Variants in MYO18A observed in about 807,000 individuals in gnomAD.
The protein encoded by MYO18A is myosin XVIIIA.
MYO18A carries 78 observed loss-of-function variants against 235.8 expected under a neutral mutation model. That is an observed-to-expected ratio of 0.33 (90% CI 0.28 to 0.40). The LOEUF (loss-of-function observed/expected upper bound fraction) is 0.40. MYO18A is among the 10% of genes least tolerant of loss of function. The pLI is 1.00. For synonymous variants in MYO18A, 977 were observed against 1,077.8 expected (o/e 0.91, Z 1.83); for missense variants, 2,215 against 2,699.3 (o/e 0.82, Z 3.98).
At chr17:29,160,820 C>T (rs916377632) in intron 2 of MYO18A, among the ~76,000 whole-genome samples, 1 of 152,360 alleles carries the variant, frequency 6.6e-6, no homozygotes, top group African/African-American at 2.4e-5. Context: ...AGCAGCCTCA[C>T]GGTCCACCAG....
chr17:29,090,595 C>T lies in MYO18A; in HGVS notation c.5325G>A (p.Gln1775=), dbSNP rs1252046245. The T allele has an allele frequency of 1.9e-6, 3 of 1,600,578 alleles. No individual in the cohort carries two copies. Among genetic ancestry groups the T allele is most frequent in the Non-Finnish European group, 2.6e-6 (3 of 1,173,098 alleles). ...CTAGCTGAGCTTGGAGATCATTTATCTGAGCCAGGTCCCGGGAAGCCTGGG... is the reference window on the plus strand; with the variant it reads ...CTAGCTGAGCTTGGAGATCATTTATTTGAGCCAGGTCCCGGGAAGCCTGGG... The part of the protein sequence containing the change: ...AVAQASRDLA[Q]INDLQAQLEE... The change falls in exon 36 of 42, where the codon CAG becomes CAA. Residue 1775 remains glutamine (Q), a synonymous_variant. Transcript: ENST00000527372.
intron 19 of MYO18A, chr17:29,107,738 A>C (rs906783010): frequency 1.3e-5 from 2 of 152,538 alleles, no homozygotes; most frequent in African/African-American, 4.8e-5. Flanking sequence ...CAGCATGGTA[A>C]AACTGTCTCT....
At position 29,072,295 on chromosome 17, in the gene MYO18A, C is replaced by G. The variant is rs1489332364; in HGVS notation, c.*2475G>C. 1 of 145,224 alleles carries G rather than the reference C, an allele frequency of 6.9e-6. No homozygotes were observed. Among genetic ancestry groups the G allele is most frequent in the Non-Finnish European group, 1.5e-5 (1 of 67,430 alleles). 9.0% of individuals were successfully genotyped at this position (145,224 alleles called of 1,614,324 possible). On this transcript the variant is annotated 3_prime_UTR_variant, in exon 42 of 42. Coordinates refer to ENST00000527372, the MANE Select transcript of MYO18A (RefSeq NM_078471.4). ...AATCCTAGCACTTTGGGAGGCGAGG[C>G]AGGCAGATCACTTGAGGTCAGAAGT...
chr17:29,079,363 C>A (rs958417446), intron 41 of MYO18A, among the ~76,000 whole-genome samples: 5 of 152,230 alleles, frequency 3.3e-5, no homozygotes, highest in Admixed American at 2.6e-4. Context: ...AGTGACTTAA[C>A]CTCTCCAAGC....
At chr17:29,089,357 G>T (rs1408415200) in intron 37 of MYO18A, among the ~76,000 whole-genome samples, 1 of 130,172 alleles carries the variant, frequency 7.7e-6, no homozygotes, top group Admixed American at 8.7e-5. Context: ...GGAGGTGGAG[G>T]TTGCAGTGAG....
intron 37 of MYO18A, among the ~76,000 whole-genome samples, chr17:29,089,198 C>T (rs768696238): frequency 8.0e-5 from 12 of 150,846 alleles, no homozygotes; most frequent in African/African-American, 1.2e-4. Context: ...TTTGGGAGGC[C>T]GAGGCGGGCA....
rs1555622320 is a variant in MYO18A, at chr17:29,083,522, G to GCACACACACACACACACACA, written c.5898-1085_5898-1084insTGTGTGTGTGTGTGTGTGTG. Among the ~76,000 whole-genome samples, 306 of 125,000 alleles carry GCACACACACACACACACACA rather than the reference G, an allele frequency of 2.4e-3. 16 individuals carry two copies. Among genetic ancestry groups the GCACACACACACACACACACA allele is most frequent in the East Asian group, 6.7e-3 (28 of 4,178 alleles). The allele number at this position is 125,000 out of a possible 152,430, so 82.0% of individuals were successfully genotyped here. A position where few individuals can be genotyped will look rare whatever the true frequency, so the allele number is the denominator to read the frequency against. On this transcript the variant is annotated intron_variant, in intron 40 of 41. Coordinates refer to ENST00000527372, the MANE Select transcript of MYO18A (RefSeq NM_078471.4). ...AATAAACAGCCACACAGGCATGTGT[G>GCACACACACACACACACACA]CGCGCGCGCGCACACACACACACAC...
intron 2 of MYO18A, among the ~76,000 whole-genome samples, chr17:29,160,603 G>A (rs1368409623): frequency 2.6e-5 from 4 of 152,212 alleles, no homozygotes; most frequent in African/African-American, 9.6e-5. Flanking sequence ...TGAACACTGA[G>A]GCTCTGAAAG....
At chr17:29,098,072 A>G (rs1598297192) in intron 25 of MYO18A, 33 bp downstream of exon 25, 7 of 1,609,228 alleles carry the variant, frequency 4.3e-6, no homozygotes, top group Non-Finnish European at 5.1e-6. Context: ...GGCAGTCACC[A>G]GCCTGCTGTT....
chr17:29,178,327 C>G (rs1434847911), intron 1 of MYO18A, among the ~76,000 whole-genome samples: 1 of 152,140 alleles, frequency 6.6e-6, no homozygotes, highest in Non-Finnish European at 1.5e-5. Flanking sequence ...CTACCAGGCA[C>G]CAGGTCATCA....
At position 29,120,134 on chromosome 17, in the gene MYO18A, A is replaced by G. The variant is rs138149938; in HGVS notation, c.1728+482T>C. Among the ~76,000 whole-genome samples, 798 of 152,366 alleles carry G rather than the reference A, an allele frequency of 5.2e-3. 6 individuals carry two copies. Among genetic ancestry groups the G allele is most frequent in the South Asian group, 0.013 (61 of 4,828 alleles). On this transcript the variant is annotated intron_variant, in intron 7 of 41. Coordinates refer to ENST00000527372, the MANE Select transcript of MYO18A (RefSeq NM_078471.4). This position sits in a 1 kb window ranked among gnomAD's most constrained non-coding sequence, Gnocchi z 4.2. ...GGGACAGAAACCAGAATGAGGTGGA[A>G]GAAGACAGGCCCAGCTCCCAAAGGG...
chr17:29,151,368 G>A (rs1312447790), intron 2 of MYO18A, among the ~76,000 whole-genome samples: 6 of 152,156 alleles, frequency 3.9e-5, no homozygotes, highest in Middle Eastern at 3.4e-3. Context: ...TGTTCTGTTG[G>A]GCAGGTCTGG....
chr17:29,135,179 C>A (rs1248092923), intron 2 of MYO18A, among the ~76,000 whole-genome samples: 2 of 151,936 alleles, frequency 1.3e-5, no homozygotes, highest in Non-Finnish European at 2.9e-5. Context: ...TGCCTCACTG[C>A]AACCTCCGCC....
intron 41 of MYO18A, chr17:29,080,655 G>A: frequency 1.0e-6 from 1 of 985,584 alleles, no homozygotes; most frequent in Non-Finnish European, 1.2e-6. Context: ...GCGTGGCCGA[G>A]GAGGCCCGGC....
chr17:29,117,649 C>T lies in MYO18A; in HGVS notation c.2038+396G>A, dbSNP rs1000186418. Among the ~76,000 whole-genome samples, 3 of 152,200 alleles carry T rather than the reference C, an allele frequency of 2.0e-5. No homozygotes were observed. The highest frequency in any genetic ancestry group is 4.8e-5 in the African/African-American group (2 of 41,434). ...CCTGGGCAAGCACCAAGACAGGGCA[C>T]GGCGGCCCCTATACCCAAGGGCGGG... On this transcript the variant is annotated intron_variant, in intron 10 of 41. Coordinates refer to ENST00000527372, the MANE Select transcript of MYO18A (RefSeq NM_078471.4). This position sits in a 1 kb window ranked among gnomAD's most constrained non-coding sequence, Gnocchi z 4.6.
rs113501632 is a variant in MYO18A at position 29,131,360 on chromosome 17, G to A, written c.1000-9107C>T. The A allele has an allele frequency of 1.7e-4, 171 of 981,904 alleles. 1 individual carries two copies. In the South Asian group the frequency reaches 5.8e-3, roughly 33 times the overall value. The allele number at this position is 981,904 out of a possible 1,614,324, so 60.8% of individuals were successfully genotyped here. A position where few individuals can be genotyped will look rare whatever the true frequency, so the allele number is the denominator to read the frequency against. ...GCCCGCACACACACACGCATGCCTC[G>A]GAGAACTCAAGGATGCACTTACAGC... On this transcript the variant is annotated intron_variant, in intron 2 of 41. Transcript: ENST00000527372.
At position 29,117,187 on chromosome 17, in the gene MYO18A, G is replaced by C. The variant is rs1417240512; in HGVS notation, c.2039-732C>G. ...CTAAACTGGAGAAAAAGGGGGTGAA[G>C]AGGTGCTCGAATCGCCATCCTCCAA... On this transcript the variant is annotated intron_variant, in intron 10 of 41. Transcript: ENST00000527372. This position sits in a 1 kb window ranked among gnomAD's most constrained non-coding sequence, Gnocchi z 4.6. Among the ~76,000 whole-genome samples the C allele has an allele frequency of 6.6e-6, 1 of 152,196 alleles. No individual in the cohort carries two copies. Among genetic ancestry groups the C allele is most frequent in the Admixed American group, 6.5e-5 (1 of 15,286 alleles).
rs1014066728 is a variant in MYO18A, at chr17:29,073,166, T to C, written c.*1604A>G. On this transcript the variant is annotated 3_prime_UTR_variant, in exon 42 of 42. Transcript: ENST00000527372. ...AGAGAAGAGAAGAGAATCTCTGTAA[T>C]TGGTGAGATTTAACAATCAGAGGGA... is the stretch of plus-strand genomic sequence containing the variant. The C allele has an allele frequency of 2.6e-5, 4 of 151,604 alleles. No homozygotes were observed. Among genetic ancestry groups the C allele is most frequent in the East Asian group, 3.9e-4 (2 of 5,146 alleles). The allele number at this position is 151,604 out of a possible 1,614,324, so 9.4% of individuals were successfully genotyped here. A position where few individuals can be genotyped will look rare whatever the true frequency, so the allele number is the denominator to read the frequency against.
chr17:29,164,456 A>T (rs2068238523), intron 2 of MYO18A, among the ~76,000 whole-genome samples: 1 of 152,152 alleles, frequency 6.6e-6, no homozygotes, highest in Non-Finnish European at 1.5e-5. Flanking sequence ...TGACCCTACC[A>T]CTGCCAGCCC....
Sources: gnomAD v4.1 joint callset for allele counts (sites outside exome capture counted in the v4.1 genomes callset) on GRCh38, gnomAD v4.1.1 for gene constraint, Gnocchi (gnomAD v3.1) non-coding constraint, MANE v1.5 for transcripts, NCBI Gene and HGNC (gene_info 2026-07-23, HGNC 2026-07-21) for gene names.